Variants in SHANK2 observed in about 807,000 individuals in gnomAD.
The protein encoded by SHANK2 is SH3 and multiple ankyrin repeat domains protein 2.
In SHANK2, 43 loss-of-function variants were observed where a neutral mutation model predicts 133.7. The observed-to-expected ratio is 0.32, with a 90% confidence interval of 0.25 to 0.41. SHANK2 has a LOEUF of 0.41. Among genes scored for constraint, SHANK2 ranks in the 10% least tolerant of loss-of-function variants. The pLI is 1.00. For synonymous variants in SHANK2, 1,017 were observed against 952.8 expected, an observed-to-expected ratio of 1.07 and a Z score of -1.24; for missense variants, 1,994 against 2,235.8, an observed-to-expected ratio of 0.89 and a Z score of 2.18.
Position 70,772,458 on chromosome 11 carries a change from A to C in SHANK2, c.1777+25985T>G, listed in dbSNP as rs905522383. The stretch of plus-strand genomic sequence containing the variant: ...CTGTCTCAAAAAAAAAAAAAAAAGT[A>C]TATTATTCCATGCCTCTGAAAGAGT... On this transcript the variant is annotated intron_variant, in intron 14 of 25. Transcript: ENST00000601538. Among the ~76,000 whole-genome samples the C allele has an allele frequency of 2.8e-4, 41 of 148,992 alleles. 2 individuals carry two copies. The highest frequency in any genetic ancestry group is 2.5e-3 in the Admixed American group (38 of 14,906).
chr11:71,063,453 T>C (rs1027244885), intron 9 of SHANK2, among the ~76,000 whole-genome samples: 1 of 152,250 alleles, frequency 6.6e-6, no homozygotes, highest in Non-Finnish European at 1.5e-5. Flanking sequence ...AACATGTGTG[T>C]TTGCAGTTCA....
intron 17 of SHANK2, among the ~76,000 whole-genome samples, chr11:70,657,546 T>C (rs2061419040): frequency 6.6e-6 from 1 of 152,188 alleles, no homozygotes; most frequent in African/African-American, 2.4e-5. Context: ...GGAGCCAGGA[T>C]CGTGCAAGGG....
intron 17 of SHANK2, among the ~76,000 whole-genome samples, chr11:70,640,699 A>G (rs2061167523): frequency 6.6e-6 from 1 of 152,172 alleles, no homozygotes; most frequent in African/African-American, 2.4e-5. Flanking sequence ...CCCAGTCAGG[A>G]TCCCTCCCTG....
intron 2 of SHANK2, among the ~76,000 whole-genome samples, chr11:71,173,530 G>A (rs560523686): frequency 4.4e-4 from 67 of 152,290 alleles, no homozygotes; most frequent in Admixed American, 3.5e-3. Flanking sequence ...TGTCCCCTTC[G>A]GAAACATTCT....
intron 1 of SHANK2, among the ~76,000 whole-genome samples, chr11:71,241,993 C>T (rs1247384884): frequency 6.6e-6 from 1 of 152,124 alleles, no homozygotes; most frequent in Non-Finnish European, 1.5e-5. Flanking sequence ...CCCAGGTCCT[C>T]AAGGATGGAT....
intron 14 of SHANK2, among the ~76,000 whole-genome samples, chr11:70,737,640 A>T (rs1946432499): frequency 6.6e-6 from 1 of 152,150 alleles, no homozygotes; most frequent in Non-Finnish European, 1.5e-5. Flanking sequence ...CCCTCTAGAG[A>T]GGGCAGCCCA....
chr11:70,817,817 C>T (rs1396412066), intron 12 of SHANK2, among the ~76,000 whole-genome samples: 1 of 152,208 alleles, frequency 6.6e-6, no homozygotes, highest in Non-Finnish European at 1.5e-5. Flanking sequence ...TCACTGCAAC[C>T]TCCGCCTCCC....
intron 14 of SHANK2, among the ~76,000 whole-genome samples, chr11:70,797,524 T>C (rs1405545861): frequency 2.0e-5 from 3 of 152,176 alleles, no homozygotes; most frequent in African/African-American, 7.2e-5. Context: ...GACAGACTCC[T>C]CCTTGCTTTC....
intron 17 of SHANK2, among the ~76,000 whole-genome samples, chr11:70,538,089 C>T (rs1368392716): frequency 1.3e-5 from 2 of 152,306 alleles, no homozygotes; most frequent in African/African-American, 4.8e-5. Context: ...GGGGCAGTAG[C>T]GAGCGGTGGA....
intron 14 of SHANK2, among the ~76,000 whole-genome samples, chr11:70,749,346 T>G (rs999912162): frequency 6.6e-6 from 1 of 152,220 alleles, no homozygotes; most frequent in Admixed American, 6.5e-5. Context: ...GAGCAAAAGC[T>G]TAAATGAGTG....
rs1055548481 is a variant in SHANK2 at position 70,539,063 on chromosome 11, G to T, written c.2062-36132C>A. On this transcript the variant is annotated intron_variant, in intron 17 of 25. Transcript: ENST00000601538. The stretch of plus-strand genomic sequence containing the variant: ...ATGTACGGGTTTACTTTTACCTTAT[G>T]CAGAGTTCTAACAGGGTGGCTAACT... Among the ~76,000 whole-genome samples, 4 of 152,224 alleles carry T rather than the reference G, an allele frequency of 2.6e-5. No individual in the cohort carries two copies. The East Asian group carries it at 7.7e-4, about 29-fold the overall frequency.
rs1007302041 is a variant in SHANK2 at position 70,569,471 on chromosome 11, G to A, written c.2062-66540C>T. The stretch of plus-strand genomic sequence containing the variant: ...CTGTGCTGGGCAGAGGGTGGATGGC[G>A]GGGTTGACCAACGATGAGGCCCCAG... On this transcript the variant is annotated intron_variant, in intron 17 of 25. Transcript: ENST00000601538. The surrounding 1 kb of genome is among the most constrained non-coding windows in gnomAD (Gnocchi z 5.1). Among the ~76,000 whole-genome samples, 1 of 152,178 alleles carries A rather than the reference G, an allele frequency of 6.6e-6. No individual in the cohort carries two copies. The highest frequency in any genetic ancestry group is 1.5e-5 in the Non-Finnish European group (1 of 68,032).
At chr11:70,502,764 C>A in intron 18 of SHANK2, 32 bp downstream of exon 18, 1 of 1,247,258 alleles carries the variant, frequency 8.0e-7, no homozygotes, top group Admixed American at 2.0e-5. Context: ...AGTAGGGCCC[C>A]AGGCTGGAGC....
intron 3 of SHANK2, among the ~76,000 whole-genome samples, chr11:71,129,319 C>T (rs115864814): frequency 0.011 from 1,714 of 152,164 alleles, 36 homozygotes; most frequent in African/African-American, 0.039. Context: ...GGGGAGGCTA[C>T]GCCACCGAGG....
At chr11:70,615,680 G>A (rs782332433) in intron 17 of SHANK2, among the ~76,000 whole-genome samples, 3 of 152,198 alleles carry the variant, frequency 2.0e-5, no homozygotes, top group Non-Finnish European at 4.4e-5. Context: ...CTGTGTGGGC[G>A]GCTGGCTCAC....
In SHANK2 at chr11:70,487,434, C is replaced by A. The variant is rs782759410; in HGVS notation, c.2859G>T (p.Arg953Ser). 2 of 1,614,116 alleles carry A rather than the reference C, an allele frequency of 1.2e-6. No individual in the cohort carries two copies. Among genetic ancestry groups the A allele is most frequent in the Admixed American group, 3.3e-5 (2 of 60,024 alleles). Residue 953 changes from arginine to serine, a missense_variant, in exon 25 of 26, where the codon AGG becomes AGT. Transcript: ENST00000601538. The surrounding 1 kb of genome is among the most constrained non-coding windows in gnomAD (Gnocchi z 5.8). ...TMMREKGMYFRRELDRYSLDS... is the reference protein window; with the variant it reads ...TMMREKGMYFSRELDRYSLDS... ...CCAAGGAGTAGCGGTCCAGCTCTCTCCTGAAGTACATCCCCTTCTCCCTCA... is the reference window on the plus strand; with the variant it reads ...CCAAGGAGTAGCGGTCCAGCTCTCTACTGAAGTACATCCCCTTCTCCCTCA...
At chr11:70,727,471 T>G (rs1266999054) in intron 14 of SHANK2, among the ~76,000 whole-genome samples, 1 of 152,176 alleles carries the variant, frequency 6.6e-6, no homozygotes, top group Non-Finnish European at 1.5e-5. Flanking sequence ...TGGTAGGTAA[T>G]TTGTTCCCTG....
At chr11:70,906,113 G>A (rs1950100553) in intron 10 of SHANK2, among the ~76,000 whole-genome samples, 1 of 152,138 alleles carries the variant, frequency 6.6e-6, no homozygotes, top group Admixed American at 6.5e-5. Flanking sequence ...CTCATTTTAT[G>A]GTATTTTGTG....
chr11:71,101,051 C>T (rs1210315492), intron 6 of SHANK2, among the ~76,000 whole-genome samples: 1 of 152,000 alleles, frequency 6.6e-6, no homozygotes, highest in African/African-American at 2.4e-5. Context: ...AAACCCATAA[C>T]ATGAGCAGAC....
Sources: allele counts gnomAD v4.1 joint callset (sites outside exome capture counted in the v4.1 genomes callset), GRCh38; gene constraint gnomAD v4.1.1; non-coding constraint Gnocchi (gnomAD v3.1); transcripts MANE v1.5; gene names NCBI Gene and HGNC (gene_info 2026-07-23, HGNC 2026-07-21).